The following STARD9 variants were observed in gnomAD, a reference collection of about 807,000 sequenced individuals.
The protein encoded by STARD9 is stAR-related lipid transfer protein 9.
A neutral mutation model predicts 399.8 loss-of-function variants in STARD9; 346 were observed. That is an observed-to-expected ratio of 0.87 (90% CI 0.79 to 0.95). The LOEUF (loss-of-function observed/expected upper bound fraction) is 0.95, where lower values mean the gene tolerates loss of function less well. Ranked by LOEUF, STARD9 falls within the 40% of genes least tolerant of loss-of-function variation. STARD9 has a pLI of 0.00. For missense variants in STARD9, 5,832 were observed against 5,667.5 expected (o/e 1.03, Z -0.93); for synonymous variants, 2,203 against 2,143.5 (o/e 1.03, Z -0.77).
chr15:42,599,931 A>G (rs1566863473), intron 3 of STARD9, among the ~76,000 whole-genome samples: 1 of 152,222 alleles, frequency 6.6e-6, no homozygotes, highest in Non-Finnish European at 1.5e-5. Flanking sequence ...GTACTTAAGG[A>G]ATCCAGAAGA....
chr15:42,707,581 T>C (rs1214906977), intron 26 of STARD9, among the ~76,000 whole-genome samples: 1 of 151,756 alleles, frequency 6.6e-6, no homozygotes, highest in Admixed American at 6.6e-5. Flanking sequence ...GAAATTCTCC[T>C]GCCTCAGCCT....
At position 42,675,901 on chromosome 15, in the gene STARD9, G is replaced by A. The variant is rs913846124; in HGVS notation, c.1800G>A (p.Ser600=). The A allele has an allele frequency of 1.5e-5, 23 of 1,537,102 alleles. No homozygotes were observed. The highest frequency in any genetic ancestry group is 3.9e-5 in the Admixed American group (2 of 50,986). Residue 600 remains serine (S), a synonymous_variant, in exon 20 of 33, where the codon TCG becomes TCA. Coordinates refer to ENST00000290607, the MANE Select transcript of STARD9 (RefSeq NM_020759.3). ...GAGAGGCTGCTGCTGGTCGTGGCTC[G>A]TTGGAGTGGCTGGATTTGGATGGAG... ...QVGEAAAGRG[S]LEWLDLDGDL... is the part of the protein sequence containing the mutation.
At chr15:42,674,346 G>C in intron 16 of STARD9, 94 bp from the exon 17 acceptor site, 1 of 1,013,540 alleles carries the variant, frequency 9.9e-7, no homozygotes, top group Non-Finnish European at 1.5e-6. Flanking sequence ...GATGAGGCTG[G>C]GAAGACAGTG....
intron 9 of STARD9, among the ~76,000 whole-genome samples, chr15:42,655,175 G>A (rs747044890): frequency 6.6e-6 from 1 of 152,104 alleles, no homozygotes; most frequent in Non-Finnish European, 1.5e-5. Flanking sequence ...CCAGCTATTC[G>A]GGAGGCTGAG....
At chr15:42,679,414 C>G (rs1410902386) in intron 20 of STARD9, among the ~76,000 whole-genome samples, 1 of 152,190 alleles carries the variant, frequency 6.6e-6, no homozygotes, top group Non-Finnish European at 1.5e-5. Flanking sequence ...GCAATCAGTG[C>G]CAGTCTTTTG....
rs1181197875 is a variant in STARD9 at position 42,712,118 on chromosome 15, A to ATATTATATATTATATATAATAT, written c.13285-4559_13285-4558insTATTATATATTATATATAATAT. Among the ~76,000 whole-genome samples, 3 of 43,844 alleles carry ATATTATATATTATATATAATAT rather than the reference A, an allele frequency of 6.8e-5. No homozygotes were observed. In the African/African-American group the frequency reaches 1.2e-3, roughly 18 times the overall value. The allele number at this position is 43,844 out of a possible 152,430, so 28.8% of individuals were successfully genotyped here. On this transcript the variant is annotated intron_variant, in intron 26 of 32. Coordinates refer to ENST00000290607, the MANE Select transcript of STARD9 (RefSeq NM_020759.3). ...ATATAATATATAATATATAATATAT[A>ATATTATATATTATATATAATAT]ATATATATATAAATGTGCCTTTGCC...
At chr15:42,651,649 G>A (rs1274885809) in intron 8 of STARD9, among the ~76,000 whole-genome samples, 1 of 151,720 alleles carries the variant, frequency 6.6e-6, no homozygotes, top group Non-Finnish European at 1.5e-5. Context: ...TTTTTTTCTG[G>A]GGTAAAAAGG....
chr15:42,677,080 G>A lies in STARD9; in HGVS notation c.1874+1105G>A, dbSNP rs188648617. 9.4e-4 allele frequency among the ~76,000 whole-genome samples: 110 copies of A among 116,998 alleles called. 2 individuals are homozygous for A. In the East Asian group the frequency reaches 0.025, roughly 26 times the overall value. 76.8% of individuals were successfully genotyped at this position (116,998 alleles called of 152,430 possible). On this transcript the variant is annotated intron_variant, in intron 20 of 32. Transcript: ENST00000290607. The stretch of plus-strand genomic sequence containing the variant: ...ATCCTGGCTAACATGGTGAAACCCC[G>A]TCTCTACTTAAAAAAAAAAAAAAAA...
At chr15:42,670,494 T>A (rs1262927760) in intron 16 of STARD9, 1 of 152,218 alleles carries the variant, frequency 6.6e-6, no homozygotes, top group Admixed American at 6.5e-5. Flanking sequence ...GGGAGGACAG[T>A]TCCTTTTGAC....
chr15:42,590,042 C>T (rs1049840561), intron 3 of STARD9, among the ~76,000 whole-genome samples: 3 of 149,964 alleles, frequency 2.0e-5, no homozygotes. Context: ...CTCACTGCAG[C>T]CTCAACCTCC....
chr15:42,668,467 G>C (rs1245659022), intron 15 of STARD9, among the ~76,000 whole-genome samples: 1 of 151,128 alleles, frequency 6.6e-6, no homozygotes, highest in African/African-American at 2.4e-5. Flanking sequence ...AGAAGAAAAA[G>C]TACCCTACAT....
chr15:42,666,380 T>C (rs1249551864), intron 15 of STARD9, among the ~76,000 whole-genome samples: 1 of 152,176 alleles, frequency 6.6e-6, no homozygotes, highest in Admixed American at 6.5e-5. Context: ...AACTAGCCCT[T>C]GAAGGTTTGC....
At position 42,694,184 on chromosome 15, in the gene STARD9, G is replaced by A; in HGVS notation, c.12606G>A (p.Gly4202=). ...SKREQIPLQV[G]AQNLSLSVEL... is the part of the protein sequence containing the mutation. ...GGGAGCAGATCCCCCTGCAAGTTGG[G>A]GCCCAGAACCTCTCACTCAGCGTGG... The change falls in exon 23 of 33, where the codon GGG becomes GGA. Residue 4202 remains glycine (G), a synonymous_variant. Coordinates refer to ENST00000290607, the MANE Select transcript of STARD9 (RefSeq NM_020759.3). 1.3e-6 allele frequency: 2 copies of A among 1,535,604 alleles called. No individual in the cohort carries two copies. The highest frequency in any genetic ancestry group is 1.7e-6 in the Non-Finnish European group (2 of 1,146,198).
At chr15:42,577,160 C>CT (rs869047689) in intron 1 of STARD9, among the ~76,000 whole-genome samples, 3,159 of 146,912 alleles carry the variant, frequency 0.022, 85 homozygotes, top group African/African-American at 0.065. Flanking sequence ...TTTCTTTTTT[C>CT]TTTTTTTTTT....
rs1220176979 is a variant in STARD9 at position 42,685,177 on chromosome 15, G to A, written c.3599G>A (p.Arg1200Lys). The A allele has an allele frequency of 1.3e-6, 2 of 1,537,034 alleles. No individual in the cohort carries two copies. Among genetic ancestry groups the A allele is most frequent in the African/African-American group, 2.7e-5 (2 of 73,018 alleles). ...AGTGACCTACTTGCTCAAACTCATA[G>A]GAGCTTCTCCTTGGATAGCCTGATT... ...SDSDLLAQTH[R>K]SFSLDSLIDA... Residue 1200 changes from arginine to lysine, a missense_variant, in exon 23 of 33, where the codon AGG becomes AAG. This residue lies in a region of STARD9 where 5,828 missense variants were observed against 5,651.1 expected (regional missense o/e 1.03). Coordinates refer to ENST00000290607, the MANE Select transcript of STARD9 (RefSeq NM_020759.3).
At position 42,687,751 on chromosome 15, in the gene STARD9, A is replaced by G. The variant is rs1214918409; in HGVS notation, c.6173A>G (p.Glu2058Gly). 6.5e-7 allele frequency: 1 copy of G among 1,537,564 alleles called. No homozygotes were observed. The highest frequency in any genetic ancestry group is 2.0e-5 in the Admixed American group (1 of 51,006). Residue 2058 changes from glutamate (E) to glycine (G), a missense_variant, in exon 23 of 33, where the codon GAA becomes GGA. Glu to Gly is a moderately conservative substitution (Grantham distance 98). Coordinates refer to ENST00000290607, the MANE Select transcript of STARD9 (RefSeq NM_020759.3). ...CTAATTAGGAGTGTAATGCAGCTGGAAAATGGCATCTTAGAAATTGAATCT... is the reference window on the plus strand; with the variant it reads ...CTAATTAGGAGTGTAATGCAGCTGGGAAATGGCATCTTAGAAATTGAATCT... ...ARLIRSVMQL[E>G]NGILEIESKQ...
At position 42,684,230 on chromosome 15, in the gene STARD9, T is replaced by C. The variant is rs2060495680; in HGVS notation, c.2652T>C (p.Pro884=). The change falls in exon 23 of 33, where the codon CCT becomes CCC. Residue 884 remains proline (P), a synonymous_variant. Coordinates refer to ENST00000290607, the MANE Select transcript of STARD9 (RefSeq NM_020759.3). ...EEHLPQAASY[P]ARTGCLRKNG... ...ATTTGCCACAGGCTGCTTCCTACCCTGCAAGGACAGGGTGCCTCCGCAAGA... is the reference window on the plus strand; with the variant it reads ...ATTTGCCACAGGCTGCTTCCTACCCCGCAAGGACAGGGTGCCTCCGCAAGA... 7 of 1,537,260 alleles carry C rather than the reference T, an allele frequency of 4.6e-6. No homozygotes were observed. Among genetic ancestry groups the C allele is most frequent in the Non-Finnish European group, 6.1e-6 (7 of 1,146,896 alleles).
At chr15:42,602,479 A>C (rs2058648188) in intron 3 of STARD9, among the ~76,000 whole-genome samples, 1 of 152,240 alleles carries the variant, frequency 6.6e-6, no homozygotes, top group Admixed American at 6.5e-5. Flanking sequence ...ATTTATTAAA[A>C]ATGAAAGTAC....
In STARD9 at chr15:42,692,738, G is replaced by A. The variant is rs1459077425; in HGVS notation, c.11160G>A (p.Gln3720=). The A allele has an allele frequency of 6.5e-7, 1 of 1,537,020 alleles. No homozygotes were observed. The highest frequency in any genetic ancestry group is 8.7e-7 in the Non-Finnish European group (1 of 1,146,916). Residue 3720 remains glutamine, a synonymous_variant, in exon 23 of 33, where the codon CAG becomes CAA. Transcript: ENST00000290607. ...TKRDIPDKAP[Q]ALMMDGSTQT... Reference sequence around the variant, plus strand: ...GGGACATCCCAGATAAAGCCCCACAGGCCCTGATGATGGATGGCTCTACTC... The same window carrying A: ...GGGACATCCCAGATAAAGCCCCACAAGCCCTGATGATGGATGGCTCTACTC...
Sources: gnomAD v4.1 joint callset for allele counts (sites outside exome capture counted in the v4.1 genomes callset) on GRCh38, gnomAD v4.1.1 for gene constraint, gnomAD v4.1.1 regional missense constraint, MANE v1.5 for transcripts, NCBI Gene and HGNC (gene_info 2026-07-23, HGNC 2026-07-21) for gene names.